Variants in TMEM51 observed in about 807,000 individuals in gnomAD.
TMEM51 encodes the protein transmembrane protein 51.
Under a neutral mutation model 13.6 loss-of-function variants are expected in TMEM51, and 8 were observed. The ratio of observed to expected loss-of-function variants is 0.59; its 90% CI spans 0.35 to 1.07. The LOEUF is 1.07. TMEM51 is among the 50% of genes least tolerant of loss of function. TMEM51 has a pLI of 0.02. For missense variants in TMEM51, 279 were observed against 330.7 expected (o/e 0.84, Z 1.21); for synonymous variants, 147 against 144.4 (o/e 1.02, Z -0.13).
At chr1:15,153,018 C>A (rs865798996), upstream of TMEM51, among the ~76,000 whole-genome samples, 2 of 152,232 alleles carry the variant, frequency 1.3e-5, no homozygotes, top group African/African-American at 2.4e-5. Flanking sequence ...GCGCAAGAAC[C>A]CGGAATGGGC....
At chr1:15,166,564 A>G (rs1643005527) in intron 1 of TMEM51, among the ~76,000 whole-genome samples, 1 of 152,128 alleles carries the variant, frequency 6.6e-6, no homozygotes, top group African/African-American at 2.4e-5. Flanking sequence ...TACTAAAAAT[A>G]CAAAATTAGC....
intron 2 of TMEM51, among the ~76,000 whole-genome samples, chr1:15,214,377 G>A (rs1259019374): frequency 2.0e-5 from 3 of 152,150 alleles, no homozygotes; most frequent in Admixed American, 2.0e-4. Flanking sequence ...AGGCCACCAT[G>A]AGCAGCATCA....
chr1:15,212,763 G>A (rs12025158), intron 2 of TMEM51, among the ~76,000 whole-genome samples: 46,732 of 152,186 alleles, frequency 0.31, 7,596 homozygotes, highest in Non-Finnish European at 0.37. Context: ...TCCCTGTTCA[G>A]CGCCCTGCAC....
chr1:15,204,925 C>T (rs1031369825), intron 1 of TMEM51, among the ~76,000 whole-genome samples: 4 of 152,114 alleles, frequency 2.6e-5, no homozygotes, highest in African/African-American at 9.7e-5. Flanking sequence ...TCCCCAGAGA[C>T]ACCGATGGCC....
chr1:15,164,790 C>CTTT (rs55802835), intron 1 of TMEM51, among the ~76,000 whole-genome samples: 93 of 126,430 alleles, frequency 7.4e-4, no homozygotes, highest in African/African-American at 2.7e-3. Context: ...GGGAGCTTTG[C>CTTT]TTTTTTTTTT....
At chr1:15,165,241 A>G (rs1557832137) in intron 1 of TMEM51, among the ~76,000 whole-genome samples, 1 of 152,138 alleles carries the variant, frequency 6.6e-6, no homozygotes, top group Non-Finnish European at 1.5e-5. Context: ...ACATGAGCCC[A>G]GGAGGTAGAG....
At chr1:15,166,177 T>C (rs898262052) in intron 1 of TMEM51, among the ~76,000 whole-genome samples, 1 of 152,206 alleles carries the variant, frequency 6.6e-6, no homozygotes, top group African/African-American at 2.4e-5. Flanking sequence ...TGATAACACC[T>C]TCTCCTCCCA....
rs3078876 is a variant in TMEM51, at chr1:15,192,455, C to CCTTTTTTTTTTTTT, written c.-266-18035_-266-18034insCTTTTTTTTTTTTT. On this transcript the variant is annotated intron_variant, in intron 1 of 3. Transcript: ENST00000376008. ...TTTTCTTTCTTTCTTTCTTTCTTTT[C>CCTTTTTTTTTTTTT]TTTTCCTTTTTTTTTATGACAGAAT... is the stretch of plus-strand genomic sequence containing the variant. 1.8e-3 allele frequency: 304 copies of CCTTTTTTTTTTTTT among 170,672 alleles called. 1 individual carries two copies. The highest frequency in any genetic ancestry group is 3.4e-3 in the South Asian group (43 of 12,824). 10.6% of individuals were successfully genotyped at this position (170,672 alleles called of 1,614,324 possible). A position where few individuals can be genotyped will look rare whatever the true frequency, so the allele number is the denominator to read the frequency against.
chr1:15,154,973 C>T (rs1414889871), intron 1 of TMEM51, among the ~76,000 whole-genome samples: 3 of 152,158 alleles, frequency 2.0e-5, no homozygotes, highest in African/African-American at 4.8e-5. Context: ...CTAGGACCGG[C>T]CGGCTTCTGG....
Position 15,207,434 on chromosome 1 carries a change from G to A in TMEM51, c.-266-3056G>A, listed in dbSNP as rs1013959036. Among the ~76,000 whole-genome samples the A allele has an allele frequency of 5.3e-5, 8 of 152,330 alleles. No individual in the cohort carries two copies. The highest frequency in any genetic ancestry group is 1.4e-4 in the African/African-American group (6 of 41,574). On this transcript the variant is annotated intron_variant, in intron 1 of 3. Transcript: ENST00000376008. This position sits in a 1 kb window ranked among gnomAD's most constrained non-coding sequence, Gnocchi z 4.6. ...CATCAATGCTTGGGCCCTTTACCCC[G>A]TTTCAGCCGGGGCAGCGCTGCTTTC...
intron 1 of TMEM51, among the ~76,000 whole-genome samples, chr1:15,180,610 G>C (rs1014651829): frequency 1.3e-5 from 2 of 152,166 alleles, no homozygotes; most frequent in African/African-American, 2.4e-5. Context: ...CTTAGAGGCT[G>C]GAGCTAAGAG....
intron 1 of TMEM51, among the ~76,000 whole-genome samples, chr1:15,203,764 T>C (rs7536482): frequency 0.62 from 93,098 of 149,634 alleles, 29,097 homozygotes; most frequent in East Asian, 0.94. Context: ...AATAAACACC[T>C]GTAATCAAAA....
At chr1:15,201,406 A>G (rs1051694567) in intron 1 of TMEM51, among the ~76,000 whole-genome samples, 15 of 151,554 alleles carry the variant, frequency 9.9e-5, no homozygotes, top group African/African-American at 3.6e-4. Flanking sequence ...TTAAAATTGT[A>G]TAAATAAAAT....
intron 1 of TMEM51, among the ~76,000 whole-genome samples, chr1:15,199,583 G>A (rs760698043): frequency 1.3e-5 from 2 of 152,152 alleles, no homozygotes; most frequent in South Asian, 2.1e-4. Flanking sequence ...TCTGAGAGGC[G>A]TAAGGAGCAG....
chr1:15,164,523 C>T (rs1642916193), intron 1 of TMEM51: 5 of 454,368 alleles, frequency 1.1e-5, no homozygotes, highest in Middle Eastern at 6.5e-4. Context: ...ATCAATGTAA[C>T]TTCTTATTGA....
intron 1 of TMEM51, among the ~76,000 whole-genome samples, chr1:15,180,060 A>G (rs1024968189): frequency 6.6e-6 from 1 of 152,182 alleles, no homozygotes; most frequent in African/African-American, 2.4e-5. Context: ...AGCCCTGGCA[A>G]CTGAGTCAGC....
intron 1 of TMEM51, among the ~76,000 whole-genome samples, chr1:15,203,063 T>C (rs1644185941): frequency 6.6e-6 from 1 of 152,180 alleles, no homozygotes; most frequent in African/African-American, 2.4e-5. Flanking sequence ...CTCAATGTAT[T>C]CACTCATGGA....
At chr1:15,199,635 C>T (rs531473778) in intron 1 of TMEM51, among the ~76,000 whole-genome samples, 3 of 152,150 alleles carry the variant, frequency 2.0e-5, no homozygotes, top group Non-Finnish European at 2.9e-5. Flanking sequence ...CCTTCAGCTG[C>T]CATAGTCTCC....
At position 15,215,954 on chromosome 1, in the gene TMEM51, G is replaced by C. The variant is rs184060108; in HGVS notation, c.344+523G>C. 1.9e-3 allele frequency among the ~76,000 whole-genome samples: 292 copies of C among 152,216 alleles called. 1 individual carries two copies. The highest frequency in any genetic ancestry group is 3.2e-3 in the Non-Finnish European group (217 of 68,012). ...AGGCATGAGAATCGCTTGAACCCAG[G>C]GGAGTGGAGATTGCAGTGAGTGAGC... On this transcript the variant is annotated intron_variant, in intron 3 of 3. Coordinates refer to ENST00000376008, the MANE Select transcript of TMEM51 (RefSeq NM_001136218.2).
Sources: allele counts gnomAD v4.1 joint callset (sites outside exome capture counted in the v4.1 genomes callset), GRCh38; gene constraint gnomAD v4.1.1; non-coding constraint Gnocchi (gnomAD v3.1); transcripts MANE v1.5; gene names NCBI Gene and HGNC (gene_info 2026-07-23, HGNC 2026-07-21).